The following SIGLEC10 variants were observed in gnomAD, a reference collection of about 807,000 sequenced individuals.
SIGLEC10 encodes the protein sialic acid-binding Ig-like lectin 10.
SIGLEC10 carries 45 observed loss-of-function variants against 68.3 expected under a neutral mutation model. The observed-to-expected ratio is 0.66, with a 90% CI of 0.52 to 0.84. The LOEUF is 0.84. Among genes scored for constraint, SIGLEC10 ranks in the 40% least tolerant of loss-of-function variants. SIGLEC10 has a pLI of 0.00. For missense variants in SIGLEC10, 789 were observed against 883.1 expected, an observed-to-expected ratio of 0.89 and a Z score of 1.35; for synonymous variants, 379 against 370.8, an observed-to-expected ratio of 1.02 and a Z score of -0.26.
In SIGLEC10 at chr19:51,413,951, GAAA is replaced by G. The variant is rs1376013374; in HGVS notation, c.1710-131_1710-129del. On this transcript the variant is annotated intron_variant, in intron 9 of 10. Transcript: ENST00000339313. ...CACTTGAGACCGTCATTATGAGACTGAAAGAAGGAGGACAAACGTAGAAATGAA... is the reference window on the plus strand; with the variant it reads ...CACTTGAGACCGTCATTATGAGACTGGAAGGAGGACAAACGTAGAAATGAA... 3 of 693,310 alleles carry G rather than the reference GAAA, an allele frequency of 4.3e-6. No individual in the cohort carries two copies. The African/African-American group carries it at 5.4e-5, about 12-fold the overall frequency. 42.9% of individuals were successfully genotyped at this position (693,310 alleles called of 1,614,324 possible).
Position 51,411,126 on chromosome 19 carries a change from C to CGAT in SIGLEC10, c.2066_2067insATC (p.Ala689_Asp690insSer). On this transcript the variant is annotated inframe_insertion, in exon 11 of 11. Coordinates refer to ENST00000339313, the MANE Select transcript of SIGLEC10 (RefSeq NM_033130.5). ...ATTGGAACTTGACTTCTGCATAATC[C>CGAT]GCCTGGGTGCCCTTGGGCATCCGGG... 1 of 1,614,006 alleles carries CGAT rather than the reference C, an allele frequency of 6.2e-7. No individual in the cohort carries two copies. Among genetic ancestry groups the CGAT allele is most frequent in the Non-Finnish European group, 8.5e-7 (1 of 1,179,934 alleles).
Position 51,410,357 on chromosome 19 carries a change from T to C in SIGLEC10, c.*742A>G, listed in dbSNP as rs1568491736. The C allele has an allele frequency of 1.3e-5, 2 of 152,246 alleles. No individual in the cohort carries two copies. The highest frequency in any genetic ancestry group is 6.5e-5 in the Admixed American group (1 of 15,280). The allele number at this position is 152,246 out of a possible 1,614,324, so 9.4% of individuals were successfully genotyped here. On this transcript the variant is annotated 3_prime_UTR_variant, in exon 11 of 11. Transcript: ENST00000339313. ...AGCAAAGTCTTTATGACCTGTATCT[T>C]GTACGGACCTCCTGTCTCATCCTGT...
chr19:51,417,487 A>G, intron 1 of SIGLEC10, 22 bp from the exon 2 acceptor site: 1 of 1,613,870 alleles, frequency 6.2e-7, no homozygotes, highest in Non-Finnish European at 8.5e-7. Flanking sequence ...CAGAGGCTCA[A>G]CCTGCAACCC....
At position 51,417,558 on chromosome 19, in the gene SIGLEC10, G is replaced by C. The variant is rs772333588; in HGVS notation, c.24C>G (p.Ser8=). The change falls in exon 1 of 11, where the codon TCC becomes TCG. Residue 8 remains serine, a synonymous_variant. Transcript: ENST00000339313. ...TGGCCCACTCACCGCCCAGCAGCGA[G>C]GACAGCAGCAGTGGCAGTAGCATCT... The part of the protein sequence containing the change: MLLPLLL[S]SLLGGSQAMD... The C allele has an allele frequency of 1.2e-6, 2 of 1,614,258 alleles. No individual in the cohort carries two copies. Among genetic ancestry groups the C allele is most frequent in the South Asian group, 1.1e-5 (1 of 91,090 alleles).
At chr19:51,412,569 G>A (rs1240701404) in intron 10 of SIGLEC10, among the ~76,000 whole-genome samples, 5 of 151,482 alleles carry the variant, frequency 3.3e-5, no homozygotes, top group African/African-American at 1.2e-4. Context: ...CCACCTCCTG[G>A]GTTCAAGTAA....
chr19:51,415,478 C>T (rs903991060), intron 6 of SIGLEC10, 40 bp from the exon 7 acceptor site: 13 of 1,613,194 alleles, frequency 8.1e-6, no homozygotes, highest in Non-Finnish European at 1.1e-5. Flanking sequence ...CAGCTCAGGG[C>T]TCAGGGACCC....
At position 51,417,562 on chromosome 19, in the gene SIGLEC10, A is replaced by G; in HGVS notation, c.20T>C (p.Leu7Pro). 1 of 1,614,228 alleles carries G rather than the reference A, an allele frequency of 6.2e-7. No homozygotes were observed. The highest frequency in any genetic ancestry group is 8.5e-7 in the Non-Finnish European group (1 of 1,180,030). ...CCACTCACCGCCCAGCAGCGAGGAC[A>G]GCAGCAGTGGCAGTAGCATCTCCGC... is the stretch of plus-strand genomic sequence containing the variant. MLLPLLLSSLLGGSQAM... is the reference protein window; with the variant it reads MLLPLLPSSLLGGSQAM... The change falls in exon 1 of 11, where the codon CTG becomes CCG. Residue 7 changes from leucine to proline, a missense_variant. Leu to Pro is a moderately conservative substitution (Grantham distance 98). Coordinates refer to ENST00000339313, the MANE Select transcript of SIGLEC10 (RefSeq NM_033130.5).
At chr19:51,412,482 G>A (rs545174330) in intron 10 of SIGLEC10, among the ~76,000 whole-genome samples, 168 of 151,740 alleles carry the variant, frequency 1.1e-3, no homozygotes, top group South Asian at 1.9e-3. Context: ...GGTGGAATTA[G>A]TCTTTTTTTT....
chr19:51,413,537 G>C (rs772252706), intron 10 of SIGLEC10, among the ~76,000 whole-genome samples, 175 bp downstream of exon 10: 4 of 152,180 alleles, frequency 2.6e-5, no homozygotes, highest in Admixed American at 6.5e-5. Flanking sequence ...AGGCTCAGAG[G>C]GGGTGAGTGA....
At chr19:51,413,483 C>G (rs1988202576) in intron 10 of SIGLEC10, among the ~76,000 whole-genome samples, 1 of 152,172 alleles carries the variant, frequency 6.6e-6, no homozygotes, top group South Asian at 2.1e-4. Flanking sequence ...TGCATGTATT[C>G]TAATCCTCAA....
In SIGLEC10 at chr19:51,415,922, G is replaced by C. The variant is rs758674513; in HGVS notation, c.1000C>G (p.Arg334Gly). 6.2e-6 allele frequency: 10 copies of C among 1,613,132 alleles called. No homozygotes were observed. In the South Asian group the frequency reaches 9.9e-5, roughly 16 times the overall value. ...RAENRLGSQQ[R>G]ALDLSVQYPP... ...CACTGCACAGAGAGGTCCAGGGCTC[G>C]CTGCTGGGAGCCAAGCCTGTTCTCC... The change falls in exon 5 of 11, where the codon CGA (arginine) becomes GGA (glycine). Residue 334 changes from arginine (R) to glycine (G), a missense_variant. Physicochemically the swap from Arg to Gly is moderately radical, Grantham distance 125 (BLOSUM62 -2). Transcript: ENST00000339313.
In SIGLEC10 at chr19:51,410,974, AAGAG is replaced by A. The variant is rs367925682; in HGVS notation, c.*121_*124del. The A allele has an allele frequency of 8.8e-5, 91 of 1,029,466 alleles. No homozygotes were observed. Among genetic ancestry groups the A allele is most frequent in the African/African-American group, 1.7e-4 (10 of 60,570 alleles). 63.8% of individuals were successfully genotyped at this position (1,029,466 alleles called of 1,614,324 possible). A position where few individuals can be genotyped will look rare whatever the true frequency, so the allele number is the denominator to read the frequency against. ...CAGATGTTTTTTTAAAAGAGAGAGA[AAGAG>A]AGAGAGAGAGAGAAAGAGAGAGAGA... On this transcript the variant is annotated 3_prime_UTR_variant, in exon 11 of 11. Coordinates refer to ENST00000339313, the MANE Select transcript of SIGLEC10 (RefSeq NM_033130.5).
chr19:51,414,698 C>A lies in SIGLEC10; in HGVS notation c.1615+126G>T. The A allele has an allele frequency of 1.3e-6, 2 of 1,491,486 alleles. No individual in the cohort carries two copies. The highest frequency in any genetic ancestry group is 2.3e-5 in the South Asian group (2 of 85,790). The allele number at this position is 1,491,486 out of a possible 1,614,324, so 92.4% of individuals were successfully genotyped here. A position where few individuals can be genotyped will look rare whatever the true frequency, so the allele number is the denominator to read the frequency against. ...TGTTAGGACTTCCCATTGTGTTTTC[C>A]TGTCTACATACAGATGCCACGGGTC... On this transcript the variant is annotated intron_variant, in intron 8 of 10. Coordinates refer to ENST00000339313, the MANE Select transcript of SIGLEC10 (RefSeq NM_033130.5). The surrounding 1 kb of genome is among the most constrained non-coding windows in gnomAD (Gnocchi z 4.1).
rs1399161377 is a variant in SIGLEC10, at chr19:51,410,813, T to C, written c.*286A>G. 4 of 271,112 alleles carry C rather than the reference T, an allele frequency of 1.5e-5. No individual in the cohort carries two copies. Among genetic ancestry groups the C allele is most frequent in the Non-Finnish European group, 2.8e-5 (4 of 141,986 alleles). The allele number at this position is 271,112 out of a possible 1,614,324, so 16.8% of individuals were successfully genotyped here. On this transcript the variant is annotated 3_prime_UTR_variant, in exon 11 of 11. Transcript: ENST00000339313. The stretch of plus-strand genomic sequence containing the variant: ...ACAGGCGCCTGCCACCATGCCCAGC[T>C]AATTTTTGTATTTTTAGTAGAGACG...
chr19:51,416,526 T>C (rs1568501259), intron 3 of SIGLEC10, 140 bp downstream of exon 3: 2 of 1,570,450 alleles, frequency 1.3e-6, no homozygotes, highest in Non-Finnish European at 8.6e-7. Flanking sequence ...CTCCCAGGGC[T>C]GCGGCGGCAT....
chr19:51,416,153 GC>G lies in SIGLEC10; in HGVS notation c.768del (p.Gln256HisfsTer31), dbSNP rs1988615649. The stretch of plus-strand genomic sequence containing the variant: ...TCCAGGTATGGGACATTTCCCTGGG[GC>G]TGGGGCTCCAGGGCTGGAGTGGGAG... The part of the protein sequence containing the change: ...SRDNTPALEP[Q>X]PQGNVPYLEA... On this transcript the variant is annotated frameshift_variant, in exon 5 of 11. Coordinates refer to ENST00000339313, the MANE Select transcript of SIGLEC10 (RefSeq NM_033130.5). LOFTEE classifies it high-confidence loss of function. 6.2e-7 allele frequency: 1 copy of G among 1,609,698 alleles called. No individual in the cohort carries two copies. The highest frequency in any genetic ancestry group is 8.5e-7 in the Non-Finnish European group (1 of 1,178,162).
Position 51,410,940 on chromosome 19 carries a change from T to A in SIGLEC10, c.*159A>T. The A allele has an allele frequency of 1.6e-5, 14 of 863,394 alleles. No homozygotes were observed. The South Asian group carries it at 2.4e-4, about 15-fold the overall frequency. The allele number at this position is 863,394 out of a possible 1,614,324, so 53.5% of individuals were successfully genotyped here. On this transcript the variant is annotated 3_prime_UTR_variant, in exon 11 of 11. Transcript: ENST00000339313. ...CTGGGATTACAGGCGTGAGCCACTG[T>A]GCCCTGGCCAGATGTTTTTTTAAAA... is the stretch of plus-strand genomic sequence containing the variant.
At position 51,415,842 on chromosome 19, in the gene SIGLEC10, C is replaced by T. The variant is rs574379794; in HGVS notation, c.1024+56G>A. ...CTCAGCTCTGGGACCCTGAGCCCAG[C>T]CCCTGTATCCCTCTGCCCTCCCAAT... is the stretch of plus-strand genomic sequence containing the variant. On this transcript the variant is annotated intron_variant, in intron 5 of 10. Transcript: ENST00000339313. 25 of 1,607,668 alleles carry T rather than the reference C, an allele frequency of 1.6e-5. No homozygotes were observed. In the African/African-American group the frequency reaches 3.2e-4, roughly 21 times the overall value.
chr19:51,415,245 C>G lies in SIGLEC10; in HGVS notation c.1266G>C (p.Glu422Asp). The change falls in exon 7 of 11, where the codon GAG (glutamate) becomes GAC (aspartate). Residue 422 changes from glutamate to aspartate, a missense_variant. Coordinates refer to ENST00000339313, the MANE Select transcript of SIGLEC10 (RefSeq NM_033130.5). ...LPRVQVEHEG[E>D]FTCHARHPLG... is the part of the protein sequence containing the mutation. ...GTGGGTGCCGAGCGTGGCAGGTGAA[C>G]TCTCCTTCGTGCTCCACTTGAACCC... 6.2e-7 allele frequency: 1 copy of G among 1,614,042 alleles called. No individual in the cohort carries two copies. The highest frequency in any genetic ancestry group is 8.5e-7 in the Non-Finnish European group (1 of 1,179,932).
Sources: gnomAD v4.1 joint callset for allele counts (sites outside exome capture counted in the v4.1 genomes callset) on GRCh38, gnomAD v4.1.1 for gene constraint, Gnocchi (gnomAD v3.1) non-coding constraint, MANE v1.5 for transcripts, NCBI Gene and HGNC (gene_info 2026-07-23, HGNC 2026-07-21) for gene names.